WDFY1: variants seen among roughly 807,000 people sequenced by gnomAD.
WDFY1 encodes the protein WD repeat and FYVE domain containing 1.
A neutral mutation model predicts 56.4 loss-of-function variants in WDFY1; 32 were observed. That is an observed-to-expected ratio of 0.57 (90% CI 0.43 to 0.76). WDFY1 has a LOEUF of 0.76. WDFY1 is among the 30% of genes least tolerant of loss of function. WDFY1 has a pLI of 0.00. For synonymous variants in WDFY1, 192 were observed against 197.3 expected, an observed-to-expected ratio of 0.97 and a Z score of 0.23; for missense variants, 480 against 545.7, an observed-to-expected ratio of 0.88 and a Z score of 1.20.
intron 3 of WDFY1, among the ~76,000 whole-genome samples, chr2:223,906,485 TTGAGATTGTGGG>T (rs1693599863): frequency 6.6e-6 from 1 of 152,140 alleles, no homozygotes; most frequent in Non-Finnish European, 1.5e-5. Flanking sequence ...AAGAGAAATT[TTGAGATTGTGGG>T]TGGTTTTTGT....
intron 4 of WDFY1, among the ~76,000 whole-genome samples, chr2:223,901,593 C>T (rs1364593054): frequency 1.3e-5 from 2 of 152,030 alleles, no homozygotes; most frequent in African/African-American, 2.4e-5. Context: ...AAGAGTAACG[C>T]TCAAGGAGAA....
Position 223,884,853 on chromosome 2 carries a change from T to TTCC in WDFY1, c.832-105_832-104insGGA. 1.7e-5 allele frequency: 10 copies of TTCC among 600,610 alleles called. 1 individual carries two copies. In the South Asian group the frequency reaches 2.4e-4, roughly 15 times the overall value. 37.2% of individuals were successfully genotyped at this position (600,610 alleles called of 1,614,324 possible). ...AGACCTTGCCAAGGTTAGTATTTCTTTTCTTCTTTTTTTTTTTTTTTTGGT... is the reference window on the plus strand; with the variant it reads ...AGACCTTGCCAAGGTTAGTATTTCTTTCCTTCTTCTTTTTTTTTTTTTTTTGGT... On this transcript the variant is annotated intron_variant, in intron 8 of 11. Coordinates refer to ENST00000233055, the MANE Select transcript of WDFY1 (RefSeq NM_020830.5).
At chr2:223,901,676 T>TA (rs1173349527) in intron 4 of WDFY1, among the ~76,000 whole-genome samples, 1 of 151,990 alleles carries the variant, frequency 6.6e-6, no homozygotes, top group African/African-American at 2.4e-5. Context: ...TACTTTGCTC[T>TA]AAAAAACTGT....
intron 4 of WDFY1, among the ~76,000 whole-genome samples, chr2:223,904,535 G>T (rs1428139784): frequency 6.6e-6 from 1 of 152,178 alleles, no homozygotes; most frequent in African/African-American, 2.4e-5. Context: ...TTACAGGGGT[G>T]AGTCACCGTG....
chr2:223,903,757 C>G (rs1245735041), intron 4 of WDFY1, among the ~76,000 whole-genome samples: 1 of 150,570 alleles, frequency 6.6e-6, no homozygotes, highest in African/African-American at 2.4e-5. Context: ...CTCAAGTGAT[C>G]CTCCCACCTC....
Position 223,878,467 on chromosome 2 carries a change from A to G in WDFY1, c.*204T>C, listed in dbSNP as rs1188070983. The G allele has an allele frequency of 1.9e-6, 1 of 529,400 alleles. No homozygotes were observed. The highest frequency in any genetic ancestry group is 3.4e-6 in the Non-Finnish European group (1 of 293,676). The allele number at this position is 529,400 out of a possible 1,614,324, so 32.8% of individuals were successfully genotyped here. On this transcript the variant is annotated 3_prime_UTR_variant, in exon 12 of 12. Coordinates refer to ENST00000233055, the MANE Select transcript of WDFY1 (RefSeq NM_020830.5). ...TAATTCCAGTCTTCAGGGAACCACT[A>G]TGGACAGACCTTTTCCATATTAGTC...
At chr2:223,896,700 C>A (rs990398956) in intron 6 of WDFY1, among the ~76,000 whole-genome samples, 1 of 152,132 alleles carries the variant, frequency 6.6e-6, no homozygotes, top group Admixed American at 6.5e-5. Context: ...ATTAATGATG[C>A]CATATTCAAA....
Position 223,884,535 on chromosome 2 carries a change from AG to A in WDFY1, c.933+112del, listed in dbSNP as rs1304184114. On this transcript the variant is annotated intron_variant, in intron 9 of 11. Coordinates refer to ENST00000233055, the MANE Select transcript of WDFY1 (RefSeq NM_020830.5). Reference sequence around the variant, plus strand: ...ACAATGATAAAGACATAGAAAATGTAGGAATTAATAGCATTTGCAAAAACAA... The same window carrying A: ...ACAATGATAAAGACATAGAAAATGTAGAATTAATAGCATTTGCAAAAACAA... 6 of 926,810 alleles carry A rather than the reference AG, an allele frequency of 6.5e-6. No homozygotes were observed. In the African/African-American group the frequency reaches 8.2e-5, roughly 13 times the overall value. 57.4% of individuals were successfully genotyped at this position (926,810 alleles called of 1,614,324 possible). A position where few individuals can be genotyped will look rare whatever the true frequency, so the allele number is the denominator to read the frequency against.
At chr2:223,879,074 C>A (rs1574754563) in intron 11 of WDFY1, among the ~76,000 whole-genome samples, 1 of 152,268 alleles carries the variant, frequency 6.6e-6, no homozygotes, top group Non-Finnish European at 1.5e-5. Flanking sequence ...GTGGTCCCAG[C>A]CACTCAAGAG....
intron 1 of WDFY1, 37 bp from the exon 2 acceptor site, chr2:223,918,047 T>C (rs748501156): frequency 1.6e-5 from 26 of 1,600,332 alleles, no homozygotes; most frequent in Non-Finnish European, 2.0e-5. Context: ...GAGTAGGTTT[T>C]AGTAATTTTA....
chr2:223,899,983 A>G (rs1693475972), intron 5 of WDFY1, among the ~76,000 whole-genome samples: 1 of 152,226 alleles, frequency 6.6e-6, no homozygotes, highest in South Asian at 2.1e-4. Context: ...AAACGCAGTT[A>G]TTTGTGGCGG....
At chr2:223,909,343 C>T (rs531592163) in intron 3 of WDFY1, among the ~76,000 whole-genome samples, 1 of 152,210 alleles carries the variant, frequency 6.6e-6, no homozygotes, top group South Asian at 2.1e-4. Flanking sequence ...CATCATTTCC[C>T]CTCCTCCCTG....
chr2:223,927,221 C>T (rs1415127483), intron 1 of WDFY1, among the ~76,000 whole-genome samples: 1 of 152,220 alleles, frequency 6.6e-6, no homozygotes, highest in Non-Finnish European at 1.5e-5. Flanking sequence ...GTCAACCTAT[C>T]TTTTGGAGCT....
At position 223,882,222 on chromosome 2, in the gene WDFY1, C is replaced by T. The variant is rs1287134605; in HGVS notation, c.934-150G>A. 3 of 1,065,910 alleles carry T rather than the reference C, an allele frequency of 2.8e-6. No homozygotes were observed. In the African/African-American group the frequency reaches 4.9e-5, roughly 17 times the overall value. The allele number at this position is 1,065,910 out of a possible 1,614,324, so 66.0% of individuals were successfully genotyped here. Reference sequence around the variant, plus strand: ...CTCTGGCGCCCGGGTTCTACCAATTCTCCTGCCTCAGCCTCCCAAGTAGCT... The same window carrying T: ...CTCTGGCGCCCGGGTTCTACCAATTTTCCTGCCTCAGCCTCCCAAGTAGCT... On this transcript the variant is annotated intron_variant, in intron 9 of 11. Coordinates refer to ENST00000233055, the MANE Select transcript of WDFY1 (RefSeq NM_020830.5).
At chr2:223,927,831 C>T (rs1260379004) in intron 1 of WDFY1, among the ~76,000 whole-genome samples, 3 of 152,086 alleles carry the variant, frequency 2.0e-5, no homozygotes, top group Non-Finnish European at 2.9e-5. Context: ...TGTGACTCTT[C>T]CTTTCACTTG....
chr2:223,935,839 T>C (rs1694159877), intron 1 of WDFY1, among the ~76,000 whole-genome samples: 1 of 152,130 alleles, frequency 6.6e-6, no homozygotes. Context: ...GAGGTGGAAC[T>C]TGAAGTGGAT....
chr2:223,909,937 A>G (rs1007665329), intron 3 of WDFY1, among the ~76,000 whole-genome samples: 1 of 152,190 alleles, frequency 6.6e-6, no homozygotes, highest in African/African-American at 2.4e-5. Flanking sequence ...ACACTTTAAC[A>G]GCTTCTCACT....
chr2:223,912,419 A>G, intron 2 of WDFY1, 93 bp from the exon 3 acceptor site: 1 of 980,056 alleles, frequency 1.0e-6, no homozygotes, highest in Non-Finnish European at 1.4e-6. Context: ...AGAACTATAT[A>G]ATTTAGGTTC....
chr2:223,903,567 T>A (rs1233908012), intron 4 of WDFY1, among the ~76,000 whole-genome samples: 2 of 147,176 alleles, frequency 1.4e-5, no homozygotes, highest in South Asian at 4.3e-4. Flanking sequence ...AACCAAAATA[T>A]AGATAATAAC....
Sources: allele counts gnomAD v4.1 joint callset (sites outside exome capture counted in the v4.1 genomes callset), GRCh38; gene constraint gnomAD v4.1.1; transcripts MANE v1.5; gene names NCBI Gene and HGNC (gene_info 2026-07-23, HGNC 2026-07-21).